BCL2L13: variants seen among roughly 807,000 people sequenced by gnomAD.
The protein encoded by BCL2L13 is bcl-2-like protein 13.
Under a neutral mutation model 25.8 loss-of-function variants are expected in BCL2L13, and 13 were observed. The observed-to-expected ratio is 0.50, with a 90% CI of 0.33 to 0.80. BCL2L13 has a LOEUF of 0.80. Ranked by LOEUF, BCL2L13 falls within the 30% of genes least tolerant of loss-of-function variation. BCL2L13 has a pLI of 0.02. For synonymous variants in BCL2L13, 244 were observed against 230.3 expected (o/e 1.06, Z -0.54); for missense variants, 504 against 574.9 (o/e 0.88, Z 1.26).
chr22:17,630,025 C>T (rs971592032), intron 1 of BCL2L13, among the ~76,000 whole-genome samples: 2 of 151,896 alleles, frequency 1.3e-5, no homozygotes, highest in African/African-American at 4.8e-5. Flanking sequence ...TCGAGACCAG[C>T]CTGACCAACA....
In BCL2L13 at chr22:17,709,595, C is replaced by T. The variant is rs193179514; in HGVS notation, c.600+7209C>T. On this transcript the variant is annotated intron_variant, in intron 6 of 6. Transcript: ENST00000317582. ...GGGTGAACAGAGAGAGACTCTGTCT[C>T]AGGAAAGATAAATAAATAAATGAAA... Among the ~76,000 whole-genome samples the T allele has an allele frequency of 2.0e-5, 3 of 152,008 alleles. No homozygotes were observed. The East Asian group carries it at 5.8e-4, about 29-fold the overall frequency.
chr22:17,640,091 T>A (rs2058220033), intron 1 of BCL2L13, among the ~76,000 whole-genome samples: 1 of 152,164 alleles, frequency 6.6e-6, no homozygotes, highest in Admixed American at 6.5e-5. Context: ...CAATCTCTGG[T>A]CATCCCCCCG....
At chr22:17,663,996 G>T (rs2059156378) in intron 2 of BCL2L13, among the ~76,000 whole-genome samples, 1 of 151,930 alleles carries the variant, frequency 6.6e-6, no homozygotes, top group African/African-American at 2.4e-5. Context: ...TTACAGGCAC[G>T]CGCCACCATG....
intron 6 of BCL2L13, among the ~76,000 whole-genome samples, chr22:17,721,953 C>A (rs2061148538): frequency 6.6e-6 from 1 of 152,214 alleles, no homozygotes; most frequent in African/African-American, 2.4e-5. Context: ...AGCCACCGCG[C>A]CCGGCCAAGA....
intron 1 of BCL2L13, among the ~76,000 whole-genome samples, chr22:17,655,399 T>C (rs150612558): frequency 2.6e-5 from 4 of 151,568 alleles, no homozygotes; most frequent in Non-Finnish European, 5.9e-5. Flanking sequence ...AAGTATTATG[T>C]ACTGCATGTA....
chr22:17,723,247 G>T (rs2061198752), intron 6 of BCL2L13, among the ~76,000 whole-genome samples: 1 of 152,062 alleles, frequency 6.6e-6, no homozygotes, highest in African/African-American at 2.4e-5. Context: ...TTACCCTGAG[G>T]CTGGGGCAAG....
intron 2 of BCL2L13, among the ~76,000 whole-genome samples, chr22:17,669,988 CTTG>C (rs771692830): frequency 2.6e-4 from 40 of 152,206 alleles, no homozygotes; most frequent in Non-Finnish European, 4.9e-4. Flanking sequence ...ATGGGGATCT[CTTG>C]TTGTTGTCTC....
At position 17,727,557 on chromosome 22, in the gene BCL2L13, C is replaced by T. The variant is rs372216701; in HGVS notation, c.*23C>T. ...TAGGAGGCTTTTCAGAAGAGAAAGA[C>T]AGAAGGATGTAAGGTTGGAGTTGTA... On this transcript the variant is annotated 3_prime_UTR_variant, in exon 7 of 7. Coordinates refer to ENST00000317582, the MANE Select transcript of BCL2L13 (RefSeq NM_015367.4). 5.0e-5 allele frequency: 81 copies of T among 1,611,126 alleles called. No homozygotes were observed. The highest frequency in any genetic ancestry group is 6.4e-5 in the Non-Finnish European group (76 of 1,178,452).
chr22:17,726,673 C>A lies in BCL2L13; in HGVS notation c.601-4C>A. The A allele has an allele frequency of 6.2e-7, 1 of 1,606,620 alleles. No homozygotes were observed. The highest frequency in any genetic ancestry group is 8.5e-7 in the Non-Finnish European group (1 of 1,174,220). On this transcript the variant is annotated splice_polypyrimidine_tract_variant and splice_region_variant and intron_variant, in intron 6 of 6. Coordinates refer to ENST00000317582, the MANE Select transcript of BCL2L13 (RefSeq NM_015367.4). ...TATTATTGACGCTTGTCCTTCGTTT[C>A]TAGGGCACTGTGTTTAGTCTTGAGT...
intron 4 of BCL2L13, among the ~76,000 whole-genome samples, chr22:17,692,975 C>T (rs1483654917): frequency 1.3e-5 from 2 of 152,104 alleles, no homozygotes; most frequent in African/African-American, 4.8e-5. Flanking sequence ...TTTCAGCACA[C>T]TGGCCACGTT....
chr22:17,687,347 G>A (rs1462564939), intron 3 of BCL2L13, among the ~76,000 whole-genome samples: 1 of 151,822 alleles, frequency 6.6e-6, no homozygotes, highest in Non-Finnish European at 1.5e-5. Context: ...AATTAATTTG[G>A]TTATTTTTTG....
upstream of BCL2L13, chr22:17,638,712 C>T: frequency 8.1e-7 from 1 of 1,231,724 alleles, no homozygotes; most frequent in Non-Finnish European, 1.0e-6. Context: ...TAGTTCAGGT[C>T]CCGCCCCGAC....
intron 2 of BCL2L13, among the ~76,000 whole-genome samples, chr22:17,665,666 A>G (rs1326609753): frequency 6.6e-6 from 1 of 152,166 alleles, no homozygotes; most frequent in African/African-American, 2.4e-5. Context: ...TTCAAGATTC[A>G]TCTATGTTAT....
In BCL2L13 at chr22:17,638,813, C is replaced by A. The variant is rs558904418; in HGVS notation, c.-124C>A. On this transcript the variant is annotated 5_prime_UTR_variant, in exon 1 of 7. Transcript: ENST00000317582. ...GGCCGCGGGTCGGAGCACTCACCGCCGCTGGGGGACCCTGTCGGAAGCAAC... is the reference window on the plus strand; with the variant it reads ...GGCCGCGGGTCGGAGCACTCACCGCAGCTGGGGGACCCTGTCGGAAGCAAC... 3 of 1,232,034 alleles carry A rather than the reference C, an allele frequency of 2.4e-6. No individual in the cohort carries two copies. The highest frequency in any genetic ancestry group is 8.2e-5 in the South Asian group (2 of 24,328). The allele number at this position is 1,232,034 out of a possible 1,614,324, so 76.3% of individuals were successfully genotyped here. A position where few individuals can be genotyped will look rare whatever the true frequency, so the allele number is the denominator to read the frequency against.
intron 1 of BCL2L13, among the ~76,000 whole-genome samples, chr22:17,647,468 A>G (rs777055983): frequency 1.3e-5 from 2 of 151,928 alleles, no homozygotes; most frequent in Non-Finnish European, 2.9e-5. Context: ...AAACTGACAA[A>G]TTTGCTTCTT....
rs1408336194 is a variant in BCL2L13 at position 17,651,613 on chromosome 22, C to G, written c.-50-4049C>G. On this transcript the variant is annotated intron_variant, in intron 1 of 6. Coordinates refer to ENST00000317582, the MANE Select transcript of BCL2L13 (RefSeq NM_015367.4). ...GCCAGGCTGGTCTCGAACTCCTGACCTCATATGATCTACCTGCCTCAGGCT... is the reference window on the plus strand; with the variant it reads ...GCCAGGCTGGTCTCGAACTCCTGACGTCATATGATCTACCTGCCTCAGGCT... Among the ~76,000 whole-genome samples the G allele has an allele frequency of 2.0e-5, 3 of 150,810 alleles. No homozygotes were observed. In the South Asian group the frequency reaches 6.3e-4, roughly 31 times the overall value.
chr22:17,686,221 G>T (rs980904011), intron 3 of BCL2L13, among the ~76,000 whole-genome samples: 1 of 151,992 alleles, frequency 6.6e-6, no homozygotes, highest in African/African-American at 2.4e-5. Context: ...GGCTGAAGTG[G>T]GTGGATCACT....
At chr22:17,679,256 G>C (rs2059661815) in intron 2 of BCL2L13, among the ~76,000 whole-genome samples, 2 of 139,862 alleles carry the variant, frequency 1.4e-5, no homozygotes, top group Admixed American at 7.6e-5. Context: ...ATGTCAATTG[G>C]TTTGGCTCTT....
Position 17,685,760 on chromosome 22 carries a change from C to CTTTTTTTTTTTTTTTTTTTTTTTTT in BCL2L13, c.229+2444_229+2468dup, listed in dbSNP as rs1166792513. Among the ~76,000 whole-genome samples the CTTTTTTTTTTTTTTTTTTTTTTTTT allele has an allele frequency of 5.0e-4, 30 of 60,566 alleles. 12 individuals are homozygous for CTTTTTTTTTTTTTTTTTTTTTTTTT. The highest frequency in any genetic ancestry group is 7.0e-4 in the Non-Finnish European group (23 of 32,808). 39.7% of individuals were successfully genotyped at this position (60,566 alleles called of 152,430 possible). A position where few individuals can be genotyped will look rare whatever the true frequency, so the allele number is the denominator to read the frequency against. On this transcript the variant is annotated intron_variant, in intron 3 of 6. Coordinates refer to ENST00000317582, the MANE Select transcript of BCL2L13 (RefSeq NM_015367.4). Reference sequence around the variant, plus strand: ...TATTGCCCAATAATTTTTTCTTTTTCTTTTTTTTTTTTTTTTTTTTTTTTT... The same window carrying CTTTTTTTTTTTTTTTTTTTTTTTTT: ...TATTGCCCAATAATTTTTTCTTTTTCTTTTTTTTTTTTTTTTTTTTTTTTTTTTTTTTTTTTTTTTTTTTTTTTTT...
Sources: gnomAD v4.1 joint callset for allele counts (sites outside exome capture counted in the v4.1 genomes callset) on GRCh38, gnomAD v4.1.1 for gene constraint, MANE v1.5 for transcripts, NCBI Gene and HGNC (gene_info 2026-07-23, HGNC 2026-07-21) for gene names.